Variants in LIMA1 observed in about 807,000 individuals in gnomAD.
LIMA1 encodes the protein LIM domain and actin-binding protein 1.
LIMA1 carries 52 observed loss-of-function variants against 62.6 expected under a neutral mutation model. The ratio of observed to expected loss-of-function variants is 0.83; its 90% CI spans 0.67 to 1.05. The LOEUF is 1.05. Among genes scored for constraint, LIMA1 ranks in the 50% least tolerant of loss-of-function variants. The pLI, the probability that LIMA1 is intolerant of heterozygous loss-of-function variation, is 0.00. For missense variants in LIMA1, 780 were observed against 902.2 expected (o/e 0.86, Z 1.74); for synonymous variants, 302 against 317.8 (o/e 0.95, Z 0.53).
At chr12:50,272,415 C>T (rs1042426852) in intron 1 of LIMA1, among the ~76,000 whole-genome samples, 2 of 151,364 alleles carry the variant, frequency 1.3e-5, no homozygotes, top group South Asian at 4.2e-4. Flanking sequence ...CATGGAGAAA[C>T]GCCGTCTGTA....
chr12:50,251,206 C>T (rs1005419200), intron 1 of LIMA1, among the ~76,000 whole-genome samples: 2 of 152,088 alleles, frequency 1.3e-5, no homozygotes, highest in Non-Finnish European at 2.9e-5. Context: ...TAAGGAAATG[C>T]TAATGAATGC....
chr12:50,272,567 G>A (rs1456438499), intron 1 of LIMA1, among the ~76,000 whole-genome samples: 1 of 148,750 alleles, frequency 6.7e-6, no homozygotes, highest in Non-Finnish European at 1.5e-5. Flanking sequence ...ATTCCAGCCT[G>A]GGCAACAAGA....
At chr12:50,199,969 C>A (rs1289943228) in intron 7 of LIMA1, among the ~76,000 whole-genome samples, 2 of 151,974 alleles carry the variant, frequency 1.3e-5, no homozygotes, top group Non-Finnish European at 2.9e-5. Flanking sequence ...CCTCAGCCCA[C>A]TGCAACATCC....
chr12:50,230,422 A>G (rs569164346), intron 3 of LIMA1, among the ~76,000 whole-genome samples: 1 of 152,172 alleles, frequency 6.6e-6, no homozygotes, highest in Non-Finnish European at 1.5e-5. Context: ...CTTGGCATGT[A>G]GTAGGTGCTC....
At chr12:50,208,992 CTTTT>C (rs34753640) in intron 4 of LIMA1, among the ~76,000 whole-genome samples, 2 of 136,264 alleles carry the variant, frequency 1.5e-5, no homozygotes. Context: ...TTCTTTCTTT[CTTTT>C]TTTTTTTTTT....
chr12:50,272,612 C>T (rs990000175), intron 1 of LIMA1, among the ~76,000 whole-genome samples: 6 of 142,472 alleles, frequency 4.2e-5, no homozygotes, highest in African/African-American at 1.6e-4. Context: ...AAAAAAAAAT[C>T]TGAGCAGCTA....
intron 4 of LIMA1, among the ~76,000 whole-genome samples, chr12:50,221,468 C>G (rs770328614): frequency 1.3e-5 from 2 of 152,120 alleles, no homozygotes; most frequent in Non-Finnish European, 1.5e-5. Flanking sequence ...TCAAAACTCC[C>G]GAAAGCTATA....
rs571527670 is a variant in LIMA1 at position 50,202,448 on chromosome 12, T to C, written c.865-1564A>G. ...TAGGGAGTCACCTGGTGGGAATGTTTACAGCAGGAGGGCACTGAGAAGCAG... is the reference window on the plus strand; with the variant it reads ...TAGGGAGTCACCTGGTGGGAATGTTCACAGCAGGAGGGCACTGAGAAGCAG... On this transcript the variant is annotated intron_variant, in intron 6 of 10. Coordinates refer to ENST00000341247, the MANE Select transcript of LIMA1 (RefSeq NM_016357.5). 1.3e-5 allele frequency among the ~76,000 whole-genome samples: 2 copies of C among 152,170 alleles called. 1 individual carries two copies. Among genetic ancestry groups the C allele is most frequent in the South Asian group, 4.1e-4 (2 of 4,834 alleles).
intron 9 of LIMA1, chr12:50,182,279 C>T (rs528280504): frequency 1.1e-4 from 31 of 274,120 alleles, no homozygotes; most frequent in Middle Eastern, 1.4e-3. Context: ...GGTGGAGCTA[C>T]GTCTGGATTA....
At chr12:50,269,975 C>T (rs1014201304) in intron 1 of LIMA1, among the ~76,000 whole-genome samples, 2 of 147,048 alleles carry the variant, frequency 1.4e-5, no homozygotes, top group Admixed American at 1.4e-4. Context: ...TGGCTTATGA[C>T]TGTAATCTCA....
At chr12:50,178,555 A>C (rs77663142) in intron 10 of LIMA1, among the ~76,000 whole-genome samples, 55 of 151,814 alleles carry the variant, frequency 3.6e-4, no homozygotes, top group South Asian at 8.3e-4. Flanking sequence ...AGAAAAAAAA[A>C]CCAACAGTAA....
intron 7 of LIMA1, among the ~76,000 whole-genome samples, chr12:50,197,372 T>C (rs1344706900): frequency 2.0e-5 from 3 of 151,470 alleles, no homozygotes; most frequent in Non-Finnish European, 2.9e-5. Context: ...GCCAGGCACA[T>C]GTCCTTTTTT....
intron 3 of LIMA1, among the ~76,000 whole-genome samples, chr12:50,226,816 C>T (rs892051886): frequency 1.4e-5 from 2 of 144,410 alleles, no homozygotes; most frequent in Admixed American, 7.2e-5. Context: ...TCCAGCCTGG[C>T]GAAAGAGCAA....
At chr12:50,263,512 A>G (rs1942096366) in intron 1 of LIMA1, among the ~76,000 whole-genome samples, 1 of 152,196 alleles carries the variant, frequency 6.6e-6, no homozygotes, top group South Asian at 2.1e-4. Context: ...GAAAATGTCA[A>G]AGTGCATCAG....
At chr12:50,255,041 A>G (rs1424617474) in intron 1 of LIMA1, among the ~76,000 whole-genome samples, 1 of 79,800 alleles carries the variant, frequency 1.3e-5, no homozygotes, top group Non-Finnish European at 2.2e-5. Flanking sequence ...ACCAAAAAAA[A>G]CAAAACAAAA....
chr12:50,199,963 A>G (rs774979663), intron 7 of LIMA1, among the ~76,000 whole-genome samples: 68 of 151,694 alleles, frequency 4.5e-4, no homozygotes, highest in Non-Finnish European at 1.6e-4. Context: ...GTGTGACCTC[A>G]GCCCACTGCA....
In LIMA1 at chr12:50,248,624, A is replaced by G; in HGVS notation, c.119+9T>C. On this transcript the variant is annotated intron_variant, in intron 2 of 10. Coordinates refer to ENST00000341247, the MANE Select transcript of LIMA1 (RefSeq NM_016357.5). ...CAGATGGTCCTTTTGGACCAGGATC[A>G]GCACTTACTTGGAGAATATTTCCAC... 2 of 1,543,960 alleles carry G rather than the reference A, an allele frequency of 1.3e-6. No homozygotes were observed. The highest frequency in any genetic ancestry group is 2.2e-5 in the East Asian group (1 of 44,554).
chr12:50,266,467 A>G (rs1942139474), intron 1 of LIMA1, among the ~76,000 whole-genome samples: 1 of 152,210 alleles, frequency 6.6e-6, no homozygotes, highest in Non-Finnish European at 1.5e-5. Context: ...ATCTATCTCA[A>G]TCTTTCAGTA....
chr12:50,180,338 G>A (rs1210594338), intron 10 of LIMA1, among the ~76,000 whole-genome samples: 1 of 151,452 alleles, frequency 6.6e-6, no homozygotes, highest in African/African-American at 2.4e-5. Context: ...AGCTGGGCGT[G>A]GTGGTGCCCG....
Sources: gnomAD v4.1 joint callset for allele counts (sites outside exome capture counted in the v4.1 genomes callset) on GRCh38, gnomAD v4.1.1 for gene constraint, MANE v1.5 for transcripts, NCBI Gene and HGNC (gene_info 2026-07-23, HGNC 2026-07-21) for gene names.